Variants in HDAC11 observed in about 807,000 individuals in gnomAD.
The protein encoded by HDAC11 is histone deacetylase 11.
HDAC11 carries 23 observed loss-of-function variants against 41.1 expected under a neutral mutation model. The ratio of observed to expected loss-of-function variants is 0.56; its 90% CI spans 0.40 to 0.79. HDAC11 has a LOEUF of 0.79. HDAC11 is among the 30% of genes least tolerant of loss of function. HDAC11 has a pLI of 0.00. For missense variants in HDAC11, 402 were observed against 477.3 expected, an observed-to-expected ratio of 0.84 and a Z score of 1.47; for synonymous variants, 187 against 186.6, an observed-to-expected ratio of 1.00 and a Z score of -0.02.
intron 5 of HDAC11, among the ~76,000 whole-genome samples, chr3:13,499,490 T>G (rs1199117390): frequency 6.6e-6 from 1 of 152,174 alleles, no homozygotes; most frequent in East Asian, 1.9e-4. Flanking sequence ...CAGACTCTTA[T>G]TTGAGCTGGG....
intron 8 of HDAC11, 35 bp from the exon 9 acceptor site, chr3:13,504,059 T>A (rs1375266075): frequency 1.3e-6 from 2 of 1,599,158 alleles, no homozygotes; most frequent in Non-Finnish European, 1.7e-6. Flanking sequence ...GTTTCCCTTC[T>A]CTATAAATTG....
At position 13,500,790 on chromosome 3, in the gene HDAC11, G is replaced by A. The variant is rs374085819; in HGVS notation, c.489+1G>A. The A allele has an allele frequency of 6.4e-7, 1 of 1,560,258 alleles. No individual in the cohort carries two copies. ...TGCGGACATCACGCTCGCCATCAAG[G>A]TGTGTCTATGAGCAAGTGGGGTCTC... On this transcript the variant is annotated splice_donor_variant, in intron 6 of 9. Coordinates refer to ENST00000295757, the MANE Select transcript of HDAC11 (RefSeq NM_024827.4). LOFTEE classifies it high-confidence loss of function.
At chr3:13,494,102 C>T (rs1334049204) in intron 3 of HDAC11, among the ~76,000 whole-genome samples, 4 of 152,228 alleles carry the variant, frequency 2.6e-5, no homozygotes, top group East Asian at 3.8e-4. Flanking sequence ...AACGACTTGC[C>T]GGTGGAAGCC....
chr3:13,495,086 C>T (rs1410306127), intron 3 of HDAC11, among the ~76,000 whole-genome samples: 2 of 152,138 alleles, frequency 1.3e-5, no homozygotes, highest in African/African-American at 4.8e-5. Context: ...TCCCACTTTC[C>T]TCTCATGGAA....
chr3:13,484,794 C>A (rs950262375), intron 3 of HDAC11, among the ~76,000 whole-genome samples: 17 of 152,194 alleles, frequency 1.1e-4, no homozygotes, highest in African/African-American at 3.9e-4. Flanking sequence ...CAGAGAAGGA[C>A]ACAGCTCCTA....
intron 3 of HDAC11, among the ~76,000 whole-genome samples, chr3:13,487,353 T>TCC (rs1241910810): frequency 1.3e-5 from 2 of 152,188 alleles, no homozygotes; most frequent in Non-Finnish European, 2.9e-5. Context: ...CTGTGTAACA[T>TCC]CCACCGTCTC....
rs1702596853 is a variant in HDAC11 at position 13,505,814 on chromosome 3, TG to T, written c.*1133del. On this transcript the variant is annotated 3_prime_UTR_variant, in exon 10 of 10. Transcript: ENST00000295757. ...AGGGGCCCCAGGTGGGCCAGACCTC[TG>T]GCCTGTTCCTCAGCCCTACTCATGG... 1 of 152,358 alleles carries T rather than the reference TG, an allele frequency of 6.6e-6. No homozygotes were observed. Among genetic ancestry groups the T allele is most frequent in the East Asian group, 1.9e-4 (1 of 5,192 alleles). 9.4% of individuals were successfully genotyped at this position (152,358 alleles called of 1,614,324 possible).
intron 2 of HDAC11, among the ~76,000 whole-genome samples, chr3:13,482,648 GT>G (rs1701374159): frequency 6.6e-6 from 1 of 152,220 alleles, no homozygotes; most frequent in Non-Finnish European, 1.5e-5. Flanking sequence ...TTAGCTGGGG[GT>G]GGTGGTATGC....
Position 13,480,802 on chromosome 3 carries a change from C to T in HDAC11, c.3-444C>T, listed in dbSNP as rs1304480054. ...GGGTCCCGACTTGGGTTTCTGAGTG[C>T]TTACTGTGCTCAGCTCCTCAGTTGC... On this transcript the variant is annotated intron_variant, in intron 1 of 9. Transcript: ENST00000295757. The surrounding 1 kb of genome is among the most constrained non-coding windows in gnomAD (Gnocchi z 4.6). 1 of 433,604 alleles carries T rather than the reference C, an allele frequency of 2.3e-6. No homozygotes were observed. The highest frequency in any genetic ancestry group is 7.6e-5 in the East Asian group (1 of 13,092). 26.9% of individuals were successfully genotyped at this position (433,604 alleles called of 1,614,324 possible). A position where few individuals can be genotyped will look rare whatever the true frequency, so the allele number is the denominator to read the frequency against.
Position 13,483,435 on chromosome 3 carries a change from G to A in HDAC11, c.152-29G>A, listed in dbSNP as rs750019265. 9 of 1,598,174 alleles carry A rather than the reference G, an allele frequency of 5.6e-6. No individual in the cohort carries two copies. The East Asian group carries it at 1.8e-4, about 32-fold the overall frequency. ...TGGCCCTGGCCTTGAGGTCAGTGGG[G>A]AAGCAGGATGCTCCCTCTGTGGTTT... is the stretch of plus-strand genomic sequence containing the variant. On this transcript the variant is annotated intron_variant, in intron 2 of 9. Coordinates refer to ENST00000295757, the MANE Select transcript of HDAC11 (RefSeq NM_024827.4).
intron 1 of HDAC11, 116 bp from the exon 2 acceptor site, chr3:13,481,130 C>A: frequency 8.9e-7 from 1 of 1,118,650 alleles, no homozygotes; most frequent in Non-Finnish European, 1.2e-6. Flanking sequence ...TTGTCTGCGG[C>A]TGAGGGGCTA....
rs1333553505 is a variant in HDAC11 at position 13,504,079 on chromosome 3, A to G, written c.650-15A>G. On this transcript the variant is annotated splice_polypyrimidine_tract_variant and intron_variant, in intron 8 of 9. Transcript: ENST00000295757. The stretch of plus-strand genomic sequence containing the variant: ...CCTTCTCTATAAATTGAGGCCATCC[A>G]TGTCTCTCTCCCAGAGGCCATCAGG... 3.1e-6 allele frequency: 5 copies of G among 1,612,832 alleles called. No homozygotes were observed. The highest frequency in any genetic ancestry group is 2.2e-5 in the South Asian group (2 of 90,922).
intron 6 of HDAC11, among the ~76,000 whole-genome samples, chr3:13,501,361 C>T (rs1332254702): frequency 6.6e-6 from 1 of 152,188 alleles, no homozygotes; most frequent in African/African-American, 2.4e-5. Context: ...CCTATGTGTG[C>T]CTGCTCTCAT....
intron 3 of HDAC11, among the ~76,000 whole-genome samples, chr3:13,494,009 G>A (rs2125006209): frequency 6.6e-6 from 1 of 152,370 alleles, no homozygotes; most frequent in South Asian, 2.1e-4. Context: ...TGGAATATTT[G>A]CTGCAGAACT....
intron 3 of HDAC11, among the ~76,000 whole-genome samples, chr3:13,486,311 AG>A (rs1701571058): frequency 6.6e-6 from 1 of 150,514 alleles, no homozygotes. Flanking sequence ...AGAAGTAGTC[AG>A]TCATTCAACA....
At position 13,504,803 on chromosome 3, in the gene HDAC11, T is replaced by G. The variant is rs1702545963; in HGVS notation, c.*120T>G. ...GAGCATGGAGGGGCAGGGCCATCCC[T>G]GGCTGGGGCCTGGAGCTGGCCCTTC... On this transcript the variant is annotated 3_prime_UTR_variant, in exon 10 of 10. Coordinates refer to ENST00000295757, the MANE Select transcript of HDAC11 (RefSeq NM_024827.4). 16 of 885,946 alleles carry G rather than the reference T, an allele frequency of 1.8e-5. No homozygotes were observed. The South Asian group carries it at 2.0e-4, about 11-fold the overall frequency. The allele number at this position is 885,946 out of a possible 1,614,324, so 54.9% of individuals were successfully genotyped here.
At chr3:13,499,936 TG>T (rs757113751) in intron 5 of HDAC11, among the ~76,000 whole-genome samples, 25 of 152,154 alleles carry the variant, frequency 1.6e-4, no homozygotes, top group Non-Finnish European at 2.2e-4. Context: ...TGACCTCCTC[TG>T]TGGGTCAGTC....
Position 13,496,785 on chromosome 3 carries a change from T to A in HDAC11, c.302T>A (p.Leu101His). ...ACAGAAATCCCCCCCGTTATCTTCC[T>A]CCCCAACTTCCTTGTGCAGAGGAAG... ...TITEIPPVIF[L>H]PNFLVQRKVL... is the part of the protein sequence containing the mutation. Residue 101 changes from leucine (L) to histidine (H), a missense_variant, in exon 4 of 10, where the codon CTC (leucine) becomes CAC (histidine). Coordinates refer to ENST00000295757, the MANE Select transcript of HDAC11 (RefSeq NM_024827.4). 6.3e-7 allele frequency: 1 copy of A among 1,581,710 alleles called. No homozygotes were observed. Among genetic ancestry groups the A allele is most frequent in the Non-Finnish European group, 8.6e-7 (1 of 1,160,572 alleles).
Position 13,506,136 on chromosome 3 carries a change from C to T in HDAC11, c.*1453C>T, listed in dbSNP as rs1185004205. The T allele has an allele frequency of 6.6e-6, 1 of 152,246 alleles. No homozygotes were observed. The highest frequency in any genetic ancestry group is 6.5e-5 in the Admixed American group (1 of 15,284). The allele number at this position is 152,246 out of a possible 1,614,324, so 9.4% of individuals were successfully genotyped here. On this transcript the variant is annotated 3_prime_UTR_variant, in exon 10 of 10. Transcript: ENST00000295757. ...GCTCTAACAATGCACTCTGAGATCC[C>T]TACCCTTGCCGTTGGTCTCTGTCGC...
Sources: gnomAD v4.1 joint callset for allele counts (sites outside exome capture counted in the v4.1 genomes callset) on GRCh38, gnomAD v4.1.1 for gene constraint, Gnocchi (gnomAD v3.1) non-coding constraint, MANE v1.5 for transcripts, NCBI Gene and HGNC (gene_info 2026-07-23, HGNC 2026-07-21) for gene names.